DCC: variants seen among roughly 807,000 people sequenced by gnomAD.
The protein encoded by DCC is netrin receptor DCC.
A neutral mutation model predicts 172.5 loss-of-function variants in DCC; 58 were observed. The observed-to-expected ratio is 0.34, with a 90% CI of 0.27 to 0.42. DCC has a LOEUF of 0.42. Ranked by LOEUF, DCC falls within the 10% of genes least tolerant of loss-of-function variation. The probability of loss-of-function intolerance (pLI) is 1.00; values close to 1 mark genes in which losing one functional copy is unlikely to be tolerated. For synonymous variants in DCC, 709 were observed against 644.5 expected (o/e 1.10, Z -1.52); for missense variants, 1,740 against 1,791.0 (o/e 0.97, Z 0.51).
chr18:52,365,290 C>G (rs969426005), intron 1 of DCC, among the ~76,000 whole-genome samples: 4 of 152,176 alleles, frequency 2.6e-5, no homozygotes, highest in African/African-American at 4.8e-5. Context: ...ATTTCATTAA[C>G]TAATGCTCTC....
intron 1 of DCC, among the ~76,000 whole-genome samples, chr18:52,533,803 C>A (rs903522223): frequency 6.6e-6 from 1 of 152,094 alleles, no homozygotes; most frequent in African/African-American, 2.4e-5. Context: ...ATGTAAATTT[C>A]CTAAGAAATT....
At chr18:52,752,639 A>G (rs1444433290) in intron 2 of DCC, among the ~76,000 whole-genome samples, 1 of 151,964 alleles carries the variant, frequency 6.6e-6, no homozygotes, top group Non-Finnish European at 1.5e-5. Context: ...TTTAAAATCT[A>G]CTCTTTTAGC....
chr18:52,651,356 C>T (rs2035127448), intron 1 of DCC, among the ~76,000 whole-genome samples: 1 of 152,054 alleles, frequency 6.6e-6, no homozygotes, highest in South Asian at 2.1e-4. Flanking sequence ...TTCTAAAAAA[C>T]AATTTTTGTA....
intron 5 of DCC, among the ~76,000 whole-genome samples, chr18:52,961,627 T>A (rs537901132): frequency 2.0e-4 from 30 of 152,296 alleles, no homozygotes; most frequent in African/African-American, 7.0e-4. Flanking sequence ...CACAAATACA[T>A]TGATGCATTT....
At chr18:52,631,810 G>A (rs1000856706) in intron 1 of DCC, among the ~76,000 whole-genome samples, 4 of 152,140 alleles carry the variant, frequency 2.6e-5, no homozygotes, top group African/African-American at 4.8e-5. Flanking sequence ...CCAAATGAAG[G>A]ACTCAAGGAC....
intron 1 of DCC, among the ~76,000 whole-genome samples, chr18:52,468,381 C>G (rs752172939): frequency 1.3e-5 from 2 of 152,152 alleles, no homozygotes; most frequent in Non-Finnish European, 2.9e-5. Flanking sequence ...ATGATAAGTT[C>G]CAAGTGAATC....
At chr18:53,103,072 CCCCATTCATTTAT>C (rs1175343429) in intron 7 of DCC, among the ~76,000 whole-genome samples, 3 of 152,056 alleles carry the variant, frequency 2.0e-5, no homozygotes, top group African/African-American at 4.8e-5. Flanking sequence ...CATACATTTA[CCCCATTCATTTAT>C]GAATTCATTC....
chr18:53,477,025 T>C (rs1185538749), intron 25 of DCC, among the ~76,000 whole-genome samples: 1 of 152,236 alleles, frequency 6.6e-6, no homozygotes, highest in Non-Finnish European at 1.5e-5. Context: ...TTTTTTATTT[T>C]TTGAGTCAGA....
At chr18:52,806,125 T>G (rs2038079267) in intron 2 of DCC, among the ~76,000 whole-genome samples, 1 of 152,196 alleles carries the variant, frequency 6.6e-6, no homozygotes, top group Non-Finnish European at 1.5e-5. Context: ...ATCAGAAGCT[T>G]GCTGTGATGG....
chr18:53,389,209 AT>A lies in DCC; in HGVS notation c.2456-2438del, dbSNP rs1056969495. Among the ~76,000 whole-genome samples the A allele has an allele frequency of 7.9e-5, 12 of 152,148 alleles. 1 individual carries two copies. In the East Asian group the frequency reaches 2.3e-3, roughly 29 times the overall value. On this transcript the variant is annotated intron_variant, in intron 16 of 28. Transcript: ENST00000442544. ...GAGGCTATATTTTGTCTTTTACTAA[AT>A]TTTTTTTCAATTCTCTTGAATGTAA...
chr18:53,150,185 C>T (rs1012433230), intron 7 of DCC, among the ~76,000 whole-genome samples: 12 of 152,200 alleles, frequency 7.9e-5, no homozygotes, highest in Non-Finnish European at 1.6e-4. Context: ...ACCTGCATTT[C>T]CTTAGAACCT....
intron 21 of DCC, among the ~76,000 whole-genome samples, chr18:53,420,530 A>G (rs1178187526): frequency 6.6e-6 from 1 of 152,152 alleles, no homozygotes; most frequent in Non-Finnish European, 1.5e-5. Flanking sequence ...GGAAGCTGGA[A>G]GTCCCAGATC....
At chr18:53,390,974 A>G (rs1908510548) in intron 16 of DCC, among the ~76,000 whole-genome samples, 1 of 152,206 alleles carries the variant, frequency 6.6e-6, no homozygotes, top group South Asian at 2.1e-4. Context: ...AAGCCTGACA[A>G]ACCAGGTGCT....
chr18:52,838,027 G>C (rs747955749), intron 2 of DCC, among the ~76,000 whole-genome samples: 2 of 152,080 alleles, frequency 1.3e-5, no homozygotes, highest in East Asian at 1.9e-4. Context: ...TCACTATCAC[G>C]AGAACAGGGT....
At chr18:53,156,707 G>A (rs2054742135) in intron 7 of DCC, among the ~76,000 whole-genome samples, 2 of 151,956 alleles carry the variant, frequency 1.3e-5, no homozygotes, top group South Asian at 4.1e-4. Context: ...ATGCCAATAG[G>A]TTATCTTTGA....
At chr18:53,522,488 T>A (rs1190716235) in intron 27 of DCC, among the ~76,000 whole-genome samples, 1 of 152,078 alleles carries the variant, frequency 6.6e-6, no homozygotes, top group Non-Finnish European at 1.5e-5. Context: ...AGAACAAAGC[T>A]GAAAGCATCA....
intron 9 of DCC, among the ~76,000 whole-genome samples, chr18:53,184,902 T>C (rs1304642552): frequency 6.6e-6 from 1 of 152,188 alleles, no homozygotes; most frequent in Non-Finnish European, 1.5e-5. Context: ...TCTGTCTAGC[T>C]CATTACTTTT....
At chr18:53,128,363 C>T (rs1233051464) in intron 7 of DCC, among the ~76,000 whole-genome samples, 1 of 152,086 alleles carries the variant, frequency 6.6e-6, no homozygotes, top group Non-Finnish European at 1.5e-5. Flanking sequence ...TGTACAAACT[C>T]AGCTTAACTT....
chr18:52,700,280 G>C (rs199588882), intron 1 of DCC, among the ~76,000 whole-genome samples: 3 of 75,806 alleles, frequency 4.0e-5, no homozygotes, highest in Non-Finnish European at 8.3e-5. Context: ...GTGCACACAT[G>C]CACACACATG....
Sources: gnomAD v4.1 joint callset for allele counts (sites outside exome capture counted in the v4.1 genomes callset) on GRCh38, gnomAD v4.1.1 for gene constraint, MANE v1.5 for transcripts, NCBI Gene and HGNC (gene_info 2026-07-23, HGNC 2026-07-21) for gene names.